FNDC1: variants seen among roughly 807,000 people sequenced by gnomAD.
FNDC1 encodes fibronectin type III domain-containing protein 1.
Under a neutral mutation model 168.0 loss-of-function variants are expected in FNDC1, and 96 were observed. The ratio of observed to expected loss-of-function variants is 0.57; its 90% CI spans 0.48 to 0.68. The LOEUF is 0.68. FNDC1 is among the 30% of genes least tolerant of loss of function. FNDC1 has a pLI of 0.00. For missense variants in FNDC1, 2,587 were observed against 2,482.1 expected (o/e 1.04, Z -0.90); for synonymous variants, 1,099 against 1,025.9 (o/e 1.07, Z -1.36).
At chr6:159,199,559 A>G (rs1221374529) in intron 2 of FNDC1, among the ~76,000 whole-genome samples, 2 of 152,196 alleles carry the variant, frequency 1.3e-5, no homozygotes, top group East Asian at 3.8e-4. Context: ...TTACATTGAC[A>G]TTTCTTATTA....
chr6:159,188,110 A>C (rs943487237), intron 1 of FNDC1, among the ~76,000 whole-genome samples: 3 of 152,258 alleles, frequency 2.0e-5, no homozygotes, highest in Non-Finnish European at 2.9e-5. Flanking sequence ...ACAAAGATGA[A>C]GTAGGGAGAC....
At chr6:159,236,089 T>C (rs1562302897) in intron 11 of FNDC1, 126 bp from the exon 12 acceptor site, 3 of 618,768 alleles carry the variant, frequency 4.8e-6, no homozygotes, top group Non-Finnish European at 8.5e-6. Context: ...GAGCTATTGG[T>C]TTAAAATTCT....
At chr6:159,171,110 T>C (rs986611482) in intron 1 of FNDC1, among the ~76,000 whole-genome samples, 2 of 150,738 alleles carry the variant, frequency 1.3e-5, no homozygotes, top group African/African-American at 2.4e-5. Flanking sequence ...AGCGGGGTTG[T>C]TTGTGAGAGC....
intron 20 of FNDC1, among the ~76,000 whole-genome samples, chr6:159,265,700 T>C (rs1234089005): frequency 6.6e-6 from 1 of 152,002 alleles, no homozygotes; most frequent in African/African-American, 2.4e-5. Flanking sequence ...GAGGCCAAGG[T>C]GGGCGGATTG....
In FNDC1 at chr6:159,215,070, C is replaced by T; in HGVS notation, c.586C>T (p.Leu196=). ...KSPRRSRGFL[L]GYGESGRKMN... ...TCCACGCAGATCACGGGGTTTTCTC[C>T]TGGGCTACGGGGAGAGTGGCCGGAA... Residue 196 remains leucine, a synonymous_variant, in exon 5 of 23, where the codon CTG becomes TTG. Transcript: ENST00000297267. 6.2e-7 allele frequency: 1 copy of T among 1,614,030 alleles called. No homozygotes were observed. The highest frequency in any genetic ancestry group is 8.5e-7 in the Non-Finnish European group (1 of 1,179,882).
intron 1 of FNDC1, among the ~76,000 whole-genome samples, chr6:159,187,102 A>G (rs911780616): frequency 6.6e-6 from 1 of 152,202 alleles, no homozygotes; most frequent in Non-Finnish European, 1.5e-5. Context: ...GGCTGCAGCC[A>G]GTAATGGGGA....
At chr6:159,241,994 A>G (rs1216558655) in intron 14 of FNDC1, among the ~76,000 whole-genome samples, 1 of 152,142 alleles carries the variant, frequency 6.6e-6, no homozygotes, top group Non-Finnish European at 1.5e-5. Context: ...TTTTTGTGAT[A>G]AGAAATTAAA....
intron 9 of FNDC1, 32 bp from the exon 10 acceptor site, chr6:159,229,783 C>T (rs767955169): frequency 1.3e-6 from 2 of 1,587,738 alleles, no homozygotes; most frequent in African/African-American, 1.3e-5. Flanking sequence ...TTTTCAGTTT[C>T]CTCCTTCCAA....
At chr6:159,199,601 T>C (rs767130332) in intron 2 of FNDC1, among the ~76,000 whole-genome samples, 5 of 152,218 alleles carry the variant, frequency 3.3e-5, no homozygotes, top group Admixed American at 6.5e-5. Context: ...GAGCCTCTAA[T>C]GGGGAAGGAT....
At chr6:159,237,911 G>C (rs1783301261) in intron 12 of FNDC1, among the ~76,000 whole-genome samples, 1 of 152,124 alleles carries the variant, frequency 6.6e-6, no homozygotes, top group South Asian at 2.1e-4. Flanking sequence ...CTACCACATG[G>C]ATGGGCCACA....
intron 5 of FNDC1, 120 bp downstream of exon 5, chr6:159,215,271 T>TA (rs1022693814): frequency 1.4e-5 from 12 of 876,944 alleles, no homozygotes; most frequent in Non-Finnish European, 2.1e-5. Context: ...TGCCAGATGT[T>TA]ACAATGATTT....
intron 12 of FNDC1, among the ~76,000 whole-genome samples, chr6:159,237,221 A>C (rs1470749453): frequency 1.3e-5 from 2 of 152,230 alleles, no homozygotes; most frequent in Non-Finnish European, 2.9e-5. Context: ...GTTTATATAA[A>C]TTTTATTTTA....
At chr6:159,240,320 G>T (rs1305654322) in intron 14 of FNDC1, among the ~76,000 whole-genome samples, 2 of 152,154 alleles carry the variant, frequency 1.3e-5, no homozygotes, top group Non-Finnish European at 2.9e-5. Context: ...CCCAAAGTGT[G>T]TTCCAATGGA....
At chr6:159,196,702 A>G (rs963848733) in intron 1 of FNDC1, among the ~76,000 whole-genome samples, 4 of 152,216 alleles carry the variant, frequency 2.6e-5, no homozygotes, top group African/African-American at 9.6e-5. Flanking sequence ...GCATTACAAT[A>G]TCAGTTACAT....
At chr6:159,239,230 T>G (rs954961717) in intron 13 of FNDC1, among the ~76,000 whole-genome samples, 2 of 152,130 alleles carry the variant, frequency 1.3e-5, no homozygotes, top group African/African-American at 4.8e-5. Context: ...GCTTAACATA[T>G]TCGCTTCCTG....
At chr6:159,219,058 T>C (rs1362757260) in intron 5 of FNDC1, among the ~76,000 whole-genome samples, 5 of 151,490 alleles carry the variant, frequency 3.3e-5, no homozygotes, top group Non-Finnish European at 7.4e-5. Flanking sequence ...TTTTTTTTTT[T>C]GTGACAGGGT....
chr6:159,192,579 T>C (rs1251239221), intron 1 of FNDC1, among the ~76,000 whole-genome samples: 1 of 152,166 alleles, frequency 6.6e-6, no homozygotes, highest in Admixed American at 6.5e-5. Flanking sequence ...CTTGGACAGG[T>C]GGTGTTGTCT....
At chr6:159,178,461 G>A (rs1033669446) in intron 1 of FNDC1, among the ~76,000 whole-genome samples, 1 of 152,098 alleles carries the variant, frequency 6.6e-6, no homozygotes, top group African/African-American at 2.4e-5. Context: ...CCCTAAAGGC[G>A]GCATTTGCAT....
At chr6:159,193,361 T>C (rs994815507) in intron 1 of FNDC1, among the ~76,000 whole-genome samples, 7 of 152,176 alleles carry the variant, frequency 4.6e-5, no homozygotes, top group Non-Finnish European at 1.0e-4. Flanking sequence ...TTGCTGGAGG[T>C]TCATGGCCCT....
Sources: gnomAD v4.1 joint callset for allele counts (sites outside exome capture counted in the v4.1 genomes callset) on GRCh38, gnomAD v4.1.1 for gene constraint, MANE v1.5 for transcripts, NCBI Gene and HGNC (gene_info 2026-07-23, HGNC 2026-07-21) for gene names.